The following NKAIN2 variants were observed in gnomAD, a reference collection of about 807,000 sequenced individuals.
NKAIN2 encodes sodium/potassium transporting ATPase interacting 2.
A neutral mutation model predicts 32.6 loss-of-function variants in NKAIN2; 14 were observed. The observed-to-expected ratio is 0.43, with a 90% CI of 0.28 to 0.67. The LOEUF (loss-of-function observed/expected upper bound fraction) is 0.67. NKAIN2 is among the 30% of genes least tolerant of loss of function. The pLI, the probability that NKAIN2 is intolerant of heterozygous loss-of-function variation, is 0.17. For missense variants in NKAIN2, 198 were observed against 258.3 expected (o/e 0.77, Z 1.60); for synonymous variants, 80 against 87.2 (o/e 0.92, Z 0.46).
chr6:124,312,499 A>C (rs1796763270), intron 2 of NKAIN2, among the ~76,000 whole-genome samples: 1 of 152,166 alleles, frequency 6.6e-6, no homozygotes, highest in African/African-American at 2.4e-5. Flanking sequence ...AAATACTTAC[A>C]TTTACCAGTT....
chr6:124,340,197 C>A (rs991584159), intron 2 of NKAIN2, among the ~76,000 whole-genome samples: 3 of 152,084 alleles, frequency 2.0e-5, no homozygotes, highest in East Asian at 1.9e-4. Flanking sequence ...GAATATGTGA[C>A]AATGAGACAG....
chr6:123,912,264 A>G (rs911588569), intron 1 of NKAIN2, among the ~76,000 whole-genome samples: 14 of 152,050 alleles, frequency 9.2e-5, no homozygotes, highest in Admixed American at 2.6e-4. Context: ...TAATATTATC[A>G]TGTATTAAAA....
chr6:124,101,037 A>G (rs1389285137), intron 1 of NKAIN2, among the ~76,000 whole-genome samples: 1 of 152,216 alleles, frequency 6.6e-6, no homozygotes, highest in Non-Finnish European at 1.5e-5. Flanking sequence ...TTCCATTGTC[A>G]CAAGGCCTAT....
chr6:124,260,299 C>T (rs1794179742), intron 1 of NKAIN2, among the ~76,000 whole-genome samples: 2 of 152,232 alleles, frequency 1.3e-5, no homozygotes, highest in South Asian at 4.1e-4. Flanking sequence ...AAAAAAGTAG[C>T]ATGCATAGTG....
chr6:124,778,962 G>T (rs929563152), intron 4 of NKAIN2, among the ~76,000 whole-genome samples: 14 of 152,142 alleles, frequency 9.2e-5, no homozygotes, highest in African/African-American at 1.7e-4. Flanking sequence ...AGCTCAAAGT[G>T]CATTCATAGT....
intron 4 of NKAIN2, among the ~76,000 whole-genome samples, chr6:124,722,356 A>G (rs1776065877): frequency 6.6e-6 from 1 of 152,202 alleles, no homozygotes; most frequent in Non-Finnish European, 1.5e-5. Context: ...TAGATGATAC[A>G]GCATTTTATT....
At chr6:124,451,296 T>C (rs1776098156) in intron 3 of NKAIN2, among the ~76,000 whole-genome samples, 2 of 152,182 alleles carry the variant, frequency 1.3e-5, no homozygotes, top group African/African-American at 4.8e-5. Context: ...AACATTATGA[T>C]GTAATGAATT....
chr6:124,279,117 T>C (rs973161633), intron 1 of NKAIN2, among the ~76,000 whole-genome samples: 3 of 152,096 alleles, frequency 2.0e-5, no homozygotes, highest in African/African-American at 4.8e-5. Flanking sequence ...ACATACAATA[T>C]TTTACTGAAC....
chr6:124,171,547 A>ATT (rs10665262), intron 1 of NKAIN2, among the ~76,000 whole-genome samples: 38,718 of 96,214 alleles, frequency 0.4, 9,635 homozygotes, highest in Non-Finnish European at 0.45. Flanking sequence ...GGCCGATTTG[A>ATT]TTTTTTTTTT....
chr6:123,903,950 G>A (rs143398897), intron 1 of NKAIN2, among the ~76,000 whole-genome samples: 1,841 of 151,010 alleles, frequency 0.012, 35 homozygotes, highest in African/African-American at 0.043. Flanking sequence ...ATGATTGGCC[G>A]GGCGTGGTGG....
chr6:124,183,082 T>C (rs2114551598), intron 1 of NKAIN2, among the ~76,000 whole-genome samples: 1 of 152,266 alleles, frequency 6.6e-6, no homozygotes, highest in East Asian at 1.9e-4. Context: ...TTTAAAAATG[T>C]AATTTGAGAA....
chr6:124,095,314 G>A (rs1383929234), intron 1 of NKAIN2, among the ~76,000 whole-genome samples: 1 of 151,654 alleles, frequency 6.6e-6, no homozygotes, highest in Non-Finnish European at 1.5e-5. Flanking sequence ...GCATATACTT[G>A]TGAAAAAGAC....
intron 2 of NKAIN2, among the ~76,000 whole-genome samples, chr6:124,345,788 C>T (rs182259111): frequency 0.024 from 3,655 of 152,088 alleles, 89 homozygotes; most frequent in Non-Finnish European, 0.034. Flanking sequence ...AAAACCAGCT[C>T]CTGGATTCAT....
At chr6:124,046,715 G>C (rs186384709) in intron 1 of NKAIN2, among the ~76,000 whole-genome samples, 1 of 151,834 alleles carries the variant, frequency 6.6e-6, no homozygotes, top group African/African-American at 2.4e-5. Context: ...TGAGTTCTAG[G>C]GTCTTCTCCA....
intron 1 of NKAIN2, among the ~76,000 whole-genome samples, chr6:123,813,960 A>G (rs763507325): frequency 4.6e-5 from 7 of 151,670 alleles, no homozygotes; most frequent in East Asian, 1.9e-4. Context: ...GGAGCAATGT[A>G]TAGGATTATG....
intron 1 of NKAIN2, among the ~76,000 whole-genome samples, chr6:124,134,015 T>C (rs908580074): frequency 1.3e-5 from 2 of 151,746 alleles, no homozygotes; most frequent in African/African-American, 4.8e-5. Context: ...CCCCAGCAAC[T>C]GATCTAAACG....
chr6:124,023,702 T>C (rs1401733212), intron 1 of NKAIN2, among the ~76,000 whole-genome samples: 1 of 152,210 alleles, frequency 6.6e-6, no homozygotes, highest in Non-Finnish European at 1.5e-5. Context: ...TCTCGTTACC[T>C]GTGCTAAAAT....
chr6:124,386,565 G>T (rs1772909451), intron 3 of NKAIN2, among the ~76,000 whole-genome samples: 1 of 152,146 alleles, frequency 6.6e-6, no homozygotes, highest in African/African-American at 2.4e-5. Context: ...CTCTGCTCTT[G>T]TCTGCAGCTG....
chr6:124,511,643 G>T (rs1373440944), intron 3 of NKAIN2, among the ~76,000 whole-genome samples: 5 of 152,068 alleles, frequency 3.3e-5, no homozygotes, highest in African/African-American at 4.8e-5. Flanking sequence ...ATACTTAAAT[G>T]CTTAATAAGT....
Sources: allele counts gnomAD v4.1 joint callset (sites outside exome capture counted in the v4.1 genomes callset), GRCh38; gene constraint gnomAD v4.1.1; transcripts MANE v1.5; gene names NCBI Gene and HGNC (gene_info 2026-07-23, HGNC 2026-07-21).